MYOM1: variants seen among roughly 807,000 people sequenced by gnomAD.
The protein encoded by MYOM1 is myomesin-1.
Under a neutral mutation model 205.3 loss-of-function variants are expected in MYOM1, and 164 were observed. That is an observed-to-expected ratio of 0.80 (90% CI 0.70 to 0.91). The LOEUF (loss-of-function observed/expected upper bound fraction) is 0.91. MYOM1 is among the 40% of genes least tolerant of loss of function. The pLI is 0.00. For missense variants in MYOM1, 2,011 were observed against 2,127.3 expected, an observed-to-expected ratio of 0.95 and a Z score of 1.08; for synonymous variants, 772 against 789.4, an observed-to-expected ratio of 0.98 and a Z score of 0.37.
intron 25 of MYOM1, 88 bp from the exon 26 acceptor site, chr18:3,094,394 ACCACACAATGG>A: frequency 1.1e-6 from 1 of 919,746 alleles, no homozygotes; most frequent in Non-Finnish European, 1.6e-6. Context: ...AAAAAAAAAA[ACCACACAATGG>A]AAATGACAAT....
chr18:3,206,724 T>C (rs1336505172), intron 2 of MYOM1, among the ~76,000 whole-genome samples: 3 of 152,158 alleles, frequency 2.0e-5, no homozygotes, highest in East Asian at 3.9e-4. Context: ...TTGACACACA[T>C]GGAGGTTTCA....
rs1274403822 is a variant in MYOM1 at position 3,193,811 on chromosome 18, C to T, written c.431+7G>A. ...AAATTAAAGCCAGGAAGAAAAAGCACACTCACCGTCCTGAGAAAATGGGTA... is the reference window on the plus strand; with the variant it reads ...AAATTAAAGCCAGGAAGAAAAAGCATACTCACCGTCCTGAGAAAATGGGTA... On this transcript the variant is annotated splice_region_variant and intron_variant, in intron 3 of 37. Transcript: ENST00000356443. 2 of 1,605,518 alleles carry T rather than the reference C, an allele frequency of 1.2e-6. No individual in the cohort carries two copies. The highest frequency in any genetic ancestry group is 2.7e-5 in the African/African-American group (2 of 74,432).
Position 3,164,302 on chromosome 18 carries a change from AT to A in MYOM1, c.1476del (p.Gln492HisfsTer25). On this transcript the variant is annotated frameshift_variant, in exon 10 of 38. Transcript: ENST00000356443. LOFTEE classifies it high-confidence loss of function. ...IRVRMGEYYE[Q>X]YSAYVFVRDA... ...CCTCGAACAAAGACATAAGCACTAT[AT>A]TGTTCATAATATTCTCCCATCCGTA... 1 of 1,613,046 alleles carries A rather than the reference AT, an allele frequency of 6.2e-7. No individual in the cohort carries two copies. Among genetic ancestry groups the A allele is most frequent in the South Asian group, 1.1e-5 (1 of 90,780 alleles).
chr18:3,089,471 A>C (rs1457541784), intron 28 of MYOM1, 66 bp downstream of exon 28: 8 of 1,220,200 alleles, frequency 6.6e-6, no homozygotes, highest in Non-Finnish European at 5.8e-6. Context: ...TTGTTATGGA[A>C]ATAACCTTGG....
intron 25 of MYOM1, among the ~76,000 whole-genome samples, chr18:3,097,208 G>A (rs1185401077): frequency 1.3e-5 from 2 of 152,140 alleles, no homozygotes; most frequent in African/African-American, 4.8e-5. Flanking sequence ...TTACCAACAG[G>A]AAGTGGGTAT....
In MYOM1 at chr18:3,209,580, T is replaced by C. The variant is rs2081167117; in HGVS notation, c.290+5354A>G. 6.6e-6 allele frequency among the ~76,000 whole-genome samples: 1 copy of C among 152,124 alleles called. No homozygotes were observed. On this transcript the variant is annotated intron_variant, in intron 2 of 37. Transcript: ENST00000356443. This position sits in a 1 kb window ranked among gnomAD's most constrained non-coding sequence, Gnocchi z 4.0. The stretch of plus-strand genomic sequence containing the variant: ...CCAACCCATCACCTTTCTGACATCC[T>C]CTCCACCTGCACTATCCATCACTCC...
chr18:3,227,974 AG>A, the MYOM1 span, among the ~76,000 whole-genome samples: 151,799 of 152,282 alleles, frequency 1, 75,658 homozygotes, highest in Middle Eastern at 1. Flanking sequence ...TTTTAAAAAA[AG>A]GAACGCAGGA....
At chr18:3,106,638 A>C (rs919365147) in intron 22 of MYOM1, among the ~76,000 whole-genome samples, 1 of 152,200 alleles carries the variant, frequency 6.6e-6, no homozygotes, top group Non-Finnish European at 1.5e-5. Flanking sequence ...CCTGGGCAAC[A>C]AAATGAGACT....
chr18:3,169,510 C>T (rs1055682319), intron 8 of MYOM1, among the ~76,000 whole-genome samples: 2 of 152,076 alleles, frequency 1.3e-5, no homozygotes, highest in African/African-American at 4.8e-5. Flanking sequence ...TCTGAATAGA[C>T]GTTTCTAAAA....
chr18:3,217,076 G>A (rs73937004), intron 1 of MYOM1: 3,577 of 152,684 alleles, frequency 0.023, 152 homozygotes, highest in African/African-American at 0.08. Flanking sequence ...TCCATGAGCC[G>A]AGAAGAGACC....
At chr18:3,159,166 C>A (rs34065085) in intron 10 of MYOM1, among the ~76,000 whole-genome samples, 1 of 152,102 alleles carries the variant, frequency 6.6e-6, no homozygotes, top group African/African-American at 2.4e-5. Flanking sequence ...CTGTGGGTGG[C>A]AGACTTACGG....
At chr18:3,183,257 G>A (rs2080765117) in intron 5 of MYOM1, among the ~76,000 whole-genome samples, 1 of 152,196 alleles carries the variant, frequency 6.6e-6, no homozygotes, top group South Asian at 2.1e-4. Flanking sequence ...CGAGGCCAGT[G>A]CTTAGACAGG....
At chr18:3,119,403 GA>G (rs1362705006) in intron 20 of MYOM1, among the ~76,000 whole-genome samples, 2 of 152,210 alleles carry the variant, frequency 1.3e-5, no homozygotes, top group Non-Finnish European at 2.9e-5. Context: ...CTTGGGTATG[GA>G]GGGAGAGATT....
At chr18:3,213,144 G>A (rs1434332904) in intron 2 of MYOM1, among the ~76,000 whole-genome samples, 1 of 152,190 alleles carries the variant, frequency 6.6e-6, no homozygotes, top group African/African-American at 2.4e-5. Context: ...CAGGGATTTC[G>A]GAATTTCTGC....
chr18:3,097,833 C>A (rs1231913071), intron 25 of MYOM1, among the ~76,000 whole-genome samples: 2 of 152,186 alleles, frequency 1.3e-5, no homozygotes, highest in Non-Finnish European at 2.9e-5. Context: ...AGTTCTTGGG[C>A]TTATGCAAGA....
intron 36 of MYOM1, 100 bp downstream of exon 36, chr18:3,075,354 C>T (rs2079009257): frequency 1.7e-6 from 2 of 1,173,754 alleles, no homozygotes; most frequent in Non-Finnish European, 1.2e-6. Context: ...AAAAAAACCA[C>T]TTCCATTCTC....
chr18:3,243,003 G>C, the MYOM1 span, among the ~76,000 whole-genome samples: 2 of 151,990 alleles, frequency 1.3e-5, no homozygotes, highest in African/African-American at 2.4e-5. Context: ...GAAGTAATAA[G>C]TATCCCCAAA....
At position 3,219,337 on chromosome 18, in the gene MYOM1, C is replaced by T. The variant is rs753341933; in HGVS notation, c.-29+466G>A. ...GCGCTCACATTTATCCACATTGCAT[C>T]GTCACAGCAAGATCCCTGAATTATA... On this transcript the variant is annotated intron_variant, in intron 1 of 37. Transcript: ENST00000356443. This position sits in a 1 kb window ranked among gnomAD's most constrained non-coding sequence, Gnocchi z 4.4. Among the ~76,000 whole-genome samples the T allele has an allele frequency of 3.3e-5, 5 of 152,030 alleles. No individual in the cohort carries two copies. The highest frequency in any genetic ancestry group is 7.4e-5 in the Non-Finnish European group (5 of 68,020).
chr18:3,157,969 A>G (rs1283153462), intron 10 of MYOM1, among the ~76,000 whole-genome samples: 1 of 151,510 alleles, frequency 6.6e-6, no homozygotes, highest in Admixed American at 6.6e-5. Flanking sequence ...TTAGCCTACT[A>G]CTCTTTATAT....
Sources: gnomAD v4.1 joint callset for allele counts (sites outside exome capture counted in the v4.1 genomes callset) on GRCh38, gnomAD v4.1.1 for gene constraint, Gnocchi (gnomAD v3.1) non-coding constraint, MANE v1.5 for transcripts, NCBI Gene and HGNC (gene_info 2026-07-23, HGNC 2026-07-21) for gene names.